COL24A1: variants seen among roughly 807,000 people sequenced by gnomAD.
The protein encoded by COL24A1 is collagen alpha-1(XXIV) chain.
A neutral mutation model predicts 253.9 loss-of-function variants in COL24A1; 224 were observed. That is an observed-to-expected ratio of 0.88 (90% CI 0.79 to 0.99). The LOEUF (loss-of-function observed/expected upper bound fraction) is 0.99. Among genes scored for constraint, COL24A1 ranks in the 50% least tolerant of loss-of-function variants. The pLI is 0.00. For synonymous variants in COL24A1, 685 were observed against 673.7 expected (o/e 1.02, Z -0.26); for missense variants, 2,131 against 2,068.5 (o/e 1.03, Z -0.59).
chr1:86,079,339 C>G (rs1488573395), intron 7 of COL24A1, among the ~76,000 whole-genome samples: 1 of 152,126 alleles, frequency 6.6e-6, no homozygotes, highest in Non-Finnish European at 1.5e-5. Context: ...AAACCTCAAA[C>G]TATGAAACTA....
chr1:85,907,140 A>G, intron 28 of COL24A1, 54 bp downstream of exon 28: 1 of 1,398,640 alleles, frequency 7.1e-7, no homozygotes, highest in Non-Finnish European at 1.0e-6. Context: ...ATTTTCCACT[A>G]TTTATGAAGT....
intron 24 of COL24A1, among the ~76,000 whole-genome samples, chr1:85,931,988 AG>A (rs1254433380): frequency 2.2e-5 from 1 of 46,182 alleles, no homozygotes; most frequent in Admixed American, 3.2e-4. Flanking sequence ...AAACCCTAGA[AG>A]AAAACCTAGG....
chr1:86,076,609 C>T (rs1483149921), intron 7 of COL24A1, among the ~76,000 whole-genome samples: 1 of 152,164 alleles, frequency 6.6e-6, no homozygotes, highest in African/African-American at 2.4e-5. Flanking sequence ...AAGAACAAAG[C>T]TGGAGGCATC....
chr1:85,852,325 CACTA>C (rs1230158444), intron 37 of COL24A1, among the ~76,000 whole-genome samples: 5 of 152,078 alleles, frequency 3.3e-5, no homozygotes, highest in Non-Finnish European at 5.9e-5. Flanking sequence ...ATGAGTATGG[CACTA>C]ACTAACTTAA....
intron 14 of COL24A1, among the ~76,000 whole-genome samples, chr1:86,026,729 T>C (rs1698064599): frequency 6.6e-6 from 1 of 152,202 alleles, no homozygotes; most frequent in Admixed American, 6.5e-5. Flanking sequence ...TAAAGATACC[T>C]GGAAATGTGA....
Position 85,874,060 on chromosome 1 carries a change from T to C in COL24A1, c.3138+589A>G, listed in dbSNP as rs77469886. 7.2e-4 allele frequency among the ~76,000 whole-genome samples: 110 copies of C among 152,224 alleles called. No individual in the cohort carries two copies. The East Asian group carries it at 0.017, about 24-fold the overall frequency. Reference sequence around the variant, plus strand: ...AAAAAGGAAGAAGCCAGATGCAAAATATATCTCCCTACTTTGCCTTTTAGT... The same window carrying C: ...AAAAAGGAAGAAGCCAGATGCAAAACATATCTCCCTACTTTGCCTTTTAGT... On this transcript the variant is annotated intron_variant, in intron 35 of 59. Transcript: ENST00000370571.
chr1:85,851,021 C>A (rs868387770), intron 37 of COL24A1, among the ~76,000 whole-genome samples: 11 of 112,580 alleles, frequency 9.8e-5, no homozygotes, highest in Admixed American at 6.2e-4. Flanking sequence ...ATATATATAT[C>A]TACATATATA....
rs1334206692 is a variant in COL24A1, at chr1:85,854,541, T to TAA, written c.3301-5137_3301-5136dup. Among the ~76,000 whole-genome samples, 880 of 152,282 alleles carry TAA rather than the reference T, an allele frequency of 5.8e-3. 3 individuals are homozygous for TAA. The highest frequency in any genetic ancestry group is 9.9e-3 in the Admixed American group (152 of 15,292). ...TCTGATAGGACTGGCATTGAGTCTT[T>TAA]AAATTGCTTTTGAGAAGTATGGCCA... On this transcript the variant is annotated intron_variant, in intron 37 of 59. Coordinates refer to ENST00000370571, the MANE Select transcript of COL24A1 (RefSeq NM_152890.7).
intron 47 of COL24A1, among the ~76,000 whole-genome samples, chr1:85,809,867 A>T (rs1672355625): frequency 6.6e-6 from 1 of 150,634 alleles, no homozygotes; most frequent in Non-Finnish European, 1.5e-5. Context: ...GCATTAGTAC[A>T]TTTACATTAT....
intron 31 of COL24A1, among the ~76,000 whole-genome samples, chr1:85,891,634 C>A (rs549322060): frequency 2.0e-5 from 3 of 152,170 alleles, no homozygotes; most frequent in Admixed American, 6.5e-5. Context: ...TGATATGGTG[C>A]CTATTTACTC....
intron 10 of COL24A1, among the ~76,000 whole-genome samples, chr1:86,057,168 G>C (rs1260888189): frequency 6.6e-6 from 1 of 152,056 alleles, no homozygotes; most frequent in Non-Finnish European, 1.5e-5. Context: ...ACTCACATGA[G>C]ATCTGGTTGT....
At chr1:85,773,531 C>T (rs1356316505) in intron 53 of COL24A1, among the ~76,000 whole-genome samples, 3 of 152,106 alleles carry the variant, frequency 2.0e-5, no homozygotes, top group South Asian at 4.1e-4. Context: ...TTGTTTGTGT[C>T]CTATCTTATT....
intron 35 of COL24A1, 104 bp downstream of exon 35, chr1:85,874,545 C>T: frequency 1.0e-6 from 1 of 972,522 alleles, no homozygotes; most frequent in Non-Finnish European, 1.5e-6. Context: ...TATAATGTAT[C>T]AGAAAGGTTT....
intron 26 of COL24A1, among the ~76,000 whole-genome samples, 165 bp downstream of exon 26, chr1:85,909,785 G>C (rs1390186497): frequency 6.6e-6 from 1 of 151,724 alleles, no homozygotes; most frequent in Non-Finnish European, 1.5e-5. Flanking sequence ...GAGTACCTTA[G>C]TATCACATAG....
chr1:85,805,841 C>T (rs998618708), intron 47 of COL24A1, among the ~76,000 whole-genome samples: 5 of 151,934 alleles, frequency 3.3e-5, no homozygotes, highest in Admixed American at 6.6e-5. Flanking sequence ...TTTGGGAGGC[C>T]GAGGTGGGCG....
intron 12 of COL24A1, among the ~76,000 whole-genome samples, chr1:86,037,475 G>T (rs1056426070): frequency 2.6e-5 from 4 of 152,134 alleles, no homozygotes; most frequent in Admixed American, 2.0e-4. Context: ...GCAAACTCTG[G>T]ACAGTCTATA....
chr1:86,155,985 G>C (rs1653544306), intron 1 of COL24A1: 1 of 221,316 alleles, frequency 4.5e-6, no homozygotes, highest in African/African-American at 2.3e-5. Context: ...AGGAGAAGGG[G>C]AGGAGGGCGC....
At chr1:86,073,720 G>A (rs1027181958) in intron 7 of COL24A1, among the ~76,000 whole-genome samples, 4 of 152,172 alleles carry the variant, frequency 2.6e-5, no homozygotes, top group African/African-American at 7.2e-5. Context: ...CAGCCAGAGA[G>A]AAAGGTCAGG....
At chr1:86,036,527 T>A (rs564333373) in intron 12 of COL24A1, among the ~76,000 whole-genome samples, 1 of 152,266 alleles carries the variant, frequency 6.6e-6, no homozygotes, top group South Asian at 2.1e-4. Flanking sequence ...TTAAAGAACA[T>A]CATACCAATG....
Sources: gnomAD v4.1 joint callset for allele counts (sites outside exome capture counted in the v4.1 genomes callset) on GRCh38, gnomAD v4.1.1 for gene constraint, MANE v1.5 for transcripts, NCBI Gene and HGNC (gene_info 2026-07-23, HGNC 2026-07-21) for gene names.